The following PCBP3 variants were observed in gnomAD, a reference collection of about 807,000 sequenced individuals.
PCBP3 encodes the protein poly(rC)-binding protein 3.
Under a neutral mutation model 52.7 loss-of-function variants are expected in PCBP3, and 25 were observed. The ratio of observed to expected loss-of-function variants is 0.47; its 90% CI spans 0.35 to 0.66. The LOEUF is 0.66. PCBP3 is among the 30% of genes least tolerant of loss of function. The pLI, the probability that PCBP3 is intolerant of heterozygous loss-of-function variation, is 0.01. For synonymous variants in PCBP3, 162 were observed against 183.0 expected (o/e 0.89, Z 0.93); for missense variants, 391 against 490.3 (o/e 0.80, Z 1.91).
intron 4 of PCBP3, among the ~76,000 whole-genome samples, chr21:45,780,628 T>A (rs1031053083): frequency 1.3e-5 from 2 of 152,158 alleles, no homozygotes; most frequent in Admixed American, 1.3e-4. Context: ...TGGGTCTGGG[T>A]GTGTGGCTCG....
At chr21:45,740,620 T>TGGTGTG (rs750835145) in intron 3 of PCBP3, among the ~76,000 whole-genome samples, 8 of 85,950 alleles carry the variant, frequency 9.3e-5, no homozygotes, top group African/African-American at 3.5e-4. Context: ...GTGGTGTGTG[T>TGGTGTG]AGTGTGTGTG....
intron 2 of PCBP3, among the ~76,000 whole-genome samples, chr21:45,691,966 A>G (rs181549479): frequency 6.6e-6 from 1 of 152,278 alleles, no homozygotes; most frequent in Admixed American, 6.5e-5. Context: ...CACGTTCTCC[A>G]GGTGTCTAGG....
rs563263643 is a variant in PCBP3, at chr21:45,827,527, G to A, written c.-125-22434G>A. Reference sequence around the variant, plus strand: ...CATCATAAAGATGCTTCAGTGAGCCGTCACCAGCTCTACACAGTGAGGAAG... The same window carrying A: ...CATCATAAAGATGCTTCAGTGAGCCATCACCAGCTCTACACAGTGAGGAAG... On this transcript the variant is annotated intron_variant, in intron 4 of 17. Coordinates refer to ENST00000681687, the MANE Select transcript of PCBP3 (RefSeq NM_001384156.1). This position sits in a 1 kb window ranked among gnomAD's most constrained non-coding sequence, Gnocchi z 4.3. 1.2e-4 allele frequency among the ~76,000 whole-genome samples: 18 copies of A among 145,486 alleles called. No homozygotes were observed. The South Asian group carries it at 2.0e-3, about 16-fold the overall frequency.
chr21:45,775,932 T>C (rs1053790555), intron 4 of PCBP3, among the ~76,000 whole-genome samples: 6 of 152,246 alleles, frequency 3.9e-5, no homozygotes, highest in Admixed American at 1.3e-4. Context: ...TATTAGACTG[T>C]TAATTTGTAA....
intron 5 of PCBP3, among the ~76,000 whole-genome samples, chr21:45,888,523 G>A (rs939165202): frequency 3.3e-5 from 5 of 152,150 alleles, no homozygotes; most frequent in African/African-American, 7.2e-5. Flanking sequence ...CCACCCACAC[G>A]CCACCGCACA....
chr21:45,881,756 C>T (rs2095411160), intron 5 of PCBP3, among the ~76,000 whole-genome samples: 1 of 152,188 alleles, frequency 6.6e-6, no homozygotes, highest in African/African-American at 2.4e-5. Context: ...ACCTCCCACC[C>T]TCTGCTTCTG....
chr21:45,810,264 G>C (rs1464176798), intron 4 of PCBP3, among the ~76,000 whole-genome samples: 1 of 151,752 alleles, frequency 6.6e-6, no homozygotes, highest in Non-Finnish European at 1.5e-5. Flanking sequence ...GTGTGTGACA[G>C]AGTCTCGCTC....
At chr21:45,671,263 C>T (rs1048270805) in intron 2 of PCBP3, among the ~76,000 whole-genome samples, 2 of 152,192 alleles carry the variant, frequency 1.3e-5, no homozygotes, top group Non-Finnish European at 2.9e-5. Context: ...GTCATGCACT[C>T]ATCTCTCCAG....
At chr21:45,925,557 A>G (rs894064879) in intron 13 of PCBP3, among the ~76,000 whole-genome samples, 1 of 152,238 alleles carries the variant, frequency 6.6e-6, no homozygotes, top group African/African-American at 2.4e-5. Context: ...CAAGCAAACA[A>G]GCAAAAAATA....
At chr21:45,744,179 G>C (rs1254152113) in intron 3 of PCBP3, 1 of 151,344 alleles carries the variant, frequency 6.6e-6, no homozygotes, top group Admixed American at 6.6e-5. Context: ...TCATTTTTCA[G>C]TCTTTAAAAA....
chr21:45,655,264 T>A (rs2079940808), intron 1 of PCBP3, among the ~76,000 whole-genome samples: 1 of 151,936 alleles, frequency 6.6e-6, no homozygotes, highest in African/African-American at 2.4e-5. Context: ...TTTAACTTTT[T>A]GAATAACTGC....
At chr21:45,719,857 G>T (rs1603313795) in intron 2 of PCBP3, among the ~76,000 whole-genome samples, 3 of 152,148 alleles carry the variant, frequency 2.0e-5, no homozygotes, top group South Asian at 4.1e-4. Context: ...CCAGATTTTT[G>T]AACCTCTATA....
chr21:45,787,052 A>G (rs2091213086), intron 4 of PCBP3, among the ~76,000 whole-genome samples: 1 of 152,222 alleles, frequency 6.6e-6, no homozygotes, highest in Non-Finnish European at 1.5e-5. Context: ...CCTCATCTAT[A>G]AAAATCATAA....
rs779199467 is a variant in PCBP3 at position 45,910,960 on chromosome 21, C to A, written c.530C>A (p.Ala177Glu). The A allele has an allele frequency of 9.3e-6, 15 of 1,611,846 alleles. No individual in the cohort carries two copies. ...ATGCTGCCCAACTCCACGGAGCGAG[C>A]GGTGACCATCTCGGGGACCCCAGAT... ...GDMLPNSTER[A>E]VTISGTPDAI... Residue 177 changes from alanine to glutamate, a missense_variant, in exon 11 of 18, where the codon GCG becomes GAG. By Grantham distance (107) the Ala-to-Glu change is moderately radical. Transcript: ENST00000681687.
At chr21:45,726,098 G>A (rs896029478) in intron 2 of PCBP3, among the ~76,000 whole-genome samples, 5 of 152,036 alleles carry the variant, frequency 3.3e-5, no homozygotes, top group African/African-American at 4.8e-5. Context: ...GGTGCGTGCC[G>A]AGGCTGCCAA....
At chr21:45,807,925 T>C (rs1044259403) in intron 4 of PCBP3, among the ~76,000 whole-genome samples, 9 of 152,224 alleles carry the variant, frequency 5.9e-5, no homozygotes, top group East Asian at 1.9e-4. Context: ...TTGATACACC[T>C]GACAAAAACA....
At chr21:45,912,354 C>G (rs114890985) in intron 11 of PCBP3, among the ~76,000 whole-genome samples, 1 of 152,170 alleles carries the variant, frequency 6.6e-6, no homozygotes, top group Non-Finnish European at 1.5e-5. Flanking sequence ...GAGGAAGATT[C>G]ATCACACCTG....
intron 4 of PCBP3, among the ~76,000 whole-genome samples, chr21:45,822,416 A>G (rs778670958): frequency 4.6e-5 from 7 of 152,230 alleles, no homozygotes; most frequent in Non-Finnish European, 1.0e-4. Flanking sequence ...GCAAGAACTG[A>G]TCTCTTTCCA....
intron 5 of PCBP3, among the ~76,000 whole-genome samples, chr21:45,856,559 G>A (rs2094302826): frequency 6.6e-6 from 1 of 152,166 alleles, no homozygotes; most frequent in South Asian, 2.1e-4. Context: ...GAGTTCACAG[G>A]AGACCTAGTT....
Sources: gnomAD v4.1 joint callset for allele counts (sites outside exome capture counted in the v4.1 genomes callset) on GRCh38, gnomAD v4.1.1 for gene constraint, Gnocchi (gnomAD v3.1) non-coding constraint, MANE v1.5 for transcripts, NCBI Gene and HGNC (gene_info 2026-07-23, HGNC 2026-07-21) for gene names.